Variants in PDCD11 observed in about 807,000 individuals in gnomAD.
PDCD11 encodes the protein programmed cell death 11, also known as protein RRP5 homolog.
In PDCD11, 97 loss-of-function variants were observed where a neutral mutation model predicts 198.9. The observed-to-expected ratio is 0.49, with a 90% CI of 0.41 to 0.58. PDCD11 has a LOEUF of 0.58. Ranked by LOEUF, PDCD11 falls within the 20% of genes least tolerant of loss-of-function variation. The pLI is 0.00. For synonymous variants in PDCD11, 893 were observed against 918.0 expected (o/e 0.97, Z 0.49); for missense variants, 2,102 against 2,312.7 (o/e 0.91, Z 1.87).
At chr10:103,421,836 G>A (rs1001990240) in intron 17 of PDCD11, among the ~76,000 whole-genome samples, 1 of 150,586 alleles carries the variant, frequency 6.6e-6, no homozygotes, top group African/African-American at 2.4e-5. Context: ...GCGCGGTGGC[G>A]GGCGCCTGTA....
At position 103,439,795 on chromosome 10, in the gene PDCD11, C is replaced by T; in HGVS notation, c.4075C>T (p.His1359Tyr). 1 of 1,614,184 alleles carries T rather than the reference C, an allele frequency of 6.2e-7. No individual in the cohort carries two copies. The highest frequency in any genetic ancestry group is 8.5e-7 in the Non-Finnish European group (1 of 1,180,016). Residue 1359 changes from histidine (H) to tyrosine (Y), a missense_variant, in exon 28 of 36, where the codon CAC becomes TAC. Coordinates refer to ENST00000369797, the MANE Select transcript of PDCD11 (RefSeq NM_014976.2). ...GGCTCGGTACTCCCATGTCTCCCAG[C>T]ACAGCCCGTCCAAGAAAGCCCTTTA... ...GLARYSHVSQ[H>Y]SPSKKALYNK...
chr10:103,409,890 C>A, intron 8 of PDCD11, 84 bp downstream of exon 8: 1 of 965,982 alleles, frequency 1.0e-6, no homozygotes, highest in Non-Finnish European at 1.7e-6. Context: ...CAGGGAGGTC[C>A]TAGGACTGCA....
chr10:103,426,834 G>A (rs1022901892), intron 20 of PDCD11, among the ~76,000 whole-genome samples: 10 of 150,984 alleles, frequency 6.6e-5, no homozygotes, highest in Non-Finnish European at 1.2e-4. Flanking sequence ...GCTGAACCCT[G>A]TAATCCCAGC....
At position 103,418,425 on chromosome 10, in the gene PDCD11, C is replaced by A; in HGVS notation, c.1912-15C>A. On this transcript the variant is annotated splice_polypyrimidine_tract_variant and intron_variant, in intron 14 of 35. Transcript: ENST00000369797. ...CATGACAAGTGCTATTTTTGTCTTT[C>A]TCTTCCCTGGGTAGTTGGTAGATGT... 1 of 1,606,122 alleles carries A rather than the reference C, an allele frequency of 6.2e-7. No individual in the cohort carries two copies. The highest frequency in any genetic ancestry group is 1.1e-5 in the South Asian group (1 of 90,172).
rs1032928499 is a variant in PDCD11 at position 103,445,875 on chromosome 10, A to G, written c.*326A>G. The G allele has an allele frequency of 7.5e-6, 2 of 266,628 alleles. No homozygotes were observed. Among genetic ancestry groups the G allele is most frequent in the Non-Finnish European group, 1.5e-5 (2 of 137,784 alleles). The allele number at this position is 266,628 out of a possible 1,614,324, so 16.5% of individuals were successfully genotyped here. On this transcript the variant is annotated 3_prime_UTR_variant, in exon 36 of 36. Coordinates refer to ENST00000369797, the MANE Select transcript of PDCD11 (RefSeq NM_014976.2). ...CCTGGGGAGCAAGAGTAGAGGGGCT[A>G]TTCCCGAGGGTCCTGTGGTCAGGGT...
At chr10:103,435,550 G>A (rs193234788) in intron 25 of PDCD11, among the ~76,000 whole-genome samples, 1 of 152,130 alleles carries the variant, frequency 6.6e-6, no homozygotes, top group Admixed American at 6.5e-5. Flanking sequence ...TGGCTGGAGT[G>A]CAGTGCGTAG....
chr10:103,416,874 G>A (rs950565641), intron 13 of PDCD11, 132 bp downstream of exon 13: 21 of 1,013,294 alleles, frequency 2.1e-5, no homozygotes, highest in African/African-American at 1.9e-4. Context: ...GGTGTGAGCC[G>A]GCTAAATGGA....
At chr10:103,413,927 T>C in intron 9 of PDCD11, 39 bp from the exon 10 acceptor site, 1 of 1,569,982 alleles carries the variant, frequency 6.4e-7, no homozygotes, top group East Asian at 2.2e-5. Context: ...CTCAGACCTG[T>C]TGTCCCTGGC....
chr10:103,445,600 G>A lies in PDCD11; in HGVS notation c.*51G>A, dbSNP rs148706433. The A allele has an allele frequency of 6.6e-5, 101 of 1,520,992 alleles. No homozygotes were observed. The African/African-American group carries it at 1.1e-3, about 17-fold the overall frequency. 94.2% of individuals were successfully genotyped at this position (1,520,992 alleles called of 1,614,324 possible). ...GTCAACAATGGGCCAGCCCGGCCCCGCCTCGAGTGCCTGGGCACTCGGAAA... is the reference window on the plus strand; with the variant it reads ...GTCAACAATGGGCCAGCCCGGCCCCACCTCGAGTGCCTGGGCACTCGGAAA... On this transcript the variant is annotated 3_prime_UTR_variant, in exon 36 of 36. Coordinates refer to ENST00000369797, the MANE Select transcript of PDCD11 (RefSeq NM_014976.2).
intron 7 of PDCD11, among the ~76,000 whole-genome samples, chr10:103,408,249 A>G (rs2030580199): frequency 6.6e-6 from 1 of 151,734 alleles, no homozygotes; most frequent in Admixed American, 6.6e-5. Context: ...GTTGCTCTGT[A>G]GGGCTCCTGC....
Position 103,434,026 on chromosome 10 carries a change from C to G in PDCD11, c.3553C>G (p.Leu1185Val), listed in dbSNP as rs1317522156. Residue 1185 changes from leucine (L) to valine (V), a missense_variant, in exon 23 of 36, where the codon CTG becomes GTG. Coordinates refer to ENST00000369797, the MANE Select transcript of PDCD11 (RefSeq NM_014976.2). The stretch of plus-strand genomic sequence containing the variant: ...GAGAATTCCCTTATTGCTCACTTCT[C>G]TGAGCTTCAAGGTCAGTGTGCTTGA... ...RGRIPLLLTS[L>V]SFKVLKHPDK... 6.2e-7 allele frequency: 1 copy of G among 1,612,340 alleles called. No homozygotes were observed. The highest frequency in any genetic ancestry group is 1.1e-5 in the South Asian group (1 of 91,050).
intron 12 of PDCD11, among the ~76,000 whole-genome samples, chr10:103,416,016 A>G (rs577537367): frequency 6.7e-4 from 102 of 152,354 alleles, no homozygotes; most frequent in African/African-American, 2.2e-3. Context: ...TAGTGGGATC[A>G]AGGGTTAAAA....
rs779586548 is a variant in PDCD11, at chr10:103,413,332, C to T, written c.1185+10C>T. 6.2e-7 allele frequency: 1 copy of T among 1,610,780 alleles called. No homozygotes were observed. Among genetic ancestry groups the T allele is most frequent in the South Asian group, 1.1e-5 (1 of 91,002 alleles). The stretch of plus-strand genomic sequence containing the variant: ...TCTGGCCTATGCCCGGGTAAGGAGG[C>T]CTCTTTGTTTGGTCAGGGATCTTAT... On this transcript the variant is annotated intron_variant, in intron 9 of 35. Transcript: ENST00000369797.
chr10:103,409,246 C>T (rs911371076), intron 7 of PDCD11, among the ~76,000 whole-genome samples: 10 of 152,128 alleles, frequency 6.6e-5, no homozygotes, highest in East Asian at 3.9e-4. Flanking sequence ...TGTTACTTTT[C>T]GCTTTTTGGT....
In PDCD11 at chr10:103,406,628, T is replaced by C; in HGVS notation, c.708T>C (p.Gly236=). 1.9e-6 allele frequency: 3 copies of C among 1,613,990 alleles called. No individual in the cohort carries two copies. The highest frequency in any genetic ancestry group is 1.7e-6 in the Non-Finnish European group (2 of 1,179,970). The change falls in exon 7 of 36, where the codon GGT becomes GGC. Residue 236 remains glycine, a synonymous_variant. Transcript: ENST00000369797. ...TTACAGGTGCTAAACTAAAGGTGGG[T>C]CAGTACCTGAACTGCATTGTTGAAA... The part of the protein sequence containing the change: ...QKNKGAKLKV[G]QYLNCIVEKV...
In PDCD11 at chr10:103,440,763, C is replaced by T. The variant is rs375812162; in HGVS notation, c.4470C>T (p.Ala1490=). 370 of 1,614,076 alleles carry T rather than the reference C, an allele frequency of 2.3e-4. 3 individuals carry two copies. The South Asian group carries it at 2.7e-3, about 12-fold the overall frequency. Residue 1490 remains alanine, a synonymous_variant, in exon 30 of 36, where the codon GCC becomes GCT. Coordinates refer to ENST00000369797, the MANE Select transcript of PDCD11 (RefSeq NM_014976.2). ...GAGTGAGCAAGAAGCCAAAGAAAGC[C>T]GGCCTGTCAGAGGAGGACGACAGCC... ...QERVSKKPKK[A]GLSEEDDSLV... is the part of the protein sequence containing the mutation.
chr10:103,438,952 T>A, intron 27 of PDCD11, 144 bp downstream of exon 27: 1 of 797,484 alleles, frequency 1.3e-6, no homozygotes. Flanking sequence ...TTTTTAAAAT[T>A]CCAAGTTTTC....
At chr10:103,411,938 G>T (rs563678021) in intron 8 of PDCD11, among the ~76,000 whole-genome samples, 36 of 152,250 alleles carry the variant, frequency 2.4e-4, no homozygotes, top group African/African-American at 8.4e-4. Flanking sequence ...CCTTGGTGTT[G>T]AGGGGACACC....
At position 103,400,539 on chromosome 10, in the gene PDCD11, G is replaced by A. The variant is rs762680668; in HGVS notation, c.234+11G>A. 1 of 1,606,504 alleles carries A rather than the reference G, an allele frequency of 6.2e-7. No individual in the cohort carries two copies. The highest frequency in any genetic ancestry group is 1.7e-5 in the Admixed American group (1 of 58,506). ...ATCCTTAGTGTTGAGGTTTGTTAAA[G>A]TTGGTTTTCATTTAAACAATCGACC... On this transcript the variant is annotated intron_variant, in intron 3 of 35. Coordinates refer to ENST00000369797, the MANE Select transcript of PDCD11 (RefSeq NM_014976.2).
Sources: allele counts gnomAD v4.1 joint callset (sites outside exome capture counted in the v4.1 genomes callset), GRCh38; gene constraint gnomAD v4.1.1; transcripts MANE v1.5; gene names NCBI Gene and HGNC (gene_info 2026-07-23, HGNC 2026-07-21).